The following ADGRL2 variants were observed in gnomAD, a reference collection of about 807,000 sequenced individuals.
The protein encoded by ADGRL2 is adhesion G protein-coupled receptor L2, also known as calcium-independent alpha-latrotoxin receptor 2.
A neutral mutation model predicts 157.4 loss-of-function variants in ADGRL2; 44 were observed. That is an observed-to-expected ratio of 0.28 (90% CI 0.22 to 0.36). ADGRL2 has a LOEUF of 0.36. ADGRL2 is among the 10% of genes least tolerant of loss of function. ADGRL2 has a pLI of 1.00. For missense variants in ADGRL2, 1,510 were observed against 1,768.9 expected (o/e 0.85, Z 2.63); for synonymous variants, 585 against 624.7 (o/e 0.94, Z 0.95).
chr1:81,942,687 G>A (rs1648479097), intron 5 of ADGRL2: 1 of 437,424 alleles, frequency 2.3e-6, no homozygotes, highest in Admixed American at 3.4e-5. Context: ...ATTATAAGAT[G>A]AAAACATAGC....
At chr1:81,748,291 A>G (rs1557617805) in intron 1 of ADGRL2, among the ~76,000 whole-genome samples, 1 of 152,036 alleles carries the variant, frequency 6.6e-6, no homozygotes, top group Non-Finnish European at 1.5e-5. Context: ...ATCCTGGCCA[A>G]CATGGGGAAA....
At chr1:81,566,698 C>G (rs1016228227) in intron 2 of ADGRL2, among the ~76,000 whole-genome samples, 2 of 151,970 alleles carry the variant, frequency 1.3e-5, no homozygotes, top group Non-Finnish European at 2.9e-5. Context: ...ACAGGAAAGC[C>G]TAAGAAAGAG....
At chr1:81,867,033 A>G (rs943425652) in intron 2 of ADGRL2, among the ~76,000 whole-genome samples, 1 of 152,172 alleles carries the variant, frequency 6.6e-6, no homozygotes, top group African/African-American at 2.4e-5. Flanking sequence ...TGTGATTACA[A>G]ATAAACTGTA....
chr1:81,722,361 T>C (rs1212618005), intron 1 of ADGRL2: 18 of 737,588 alleles, frequency 2.4e-5, no homozygotes, highest in East Asian at 2.0e-4. Context: ...GTGGTTGCTA[T>C]TGAAGCCCTA....
chr1:81,972,000 T>A (rs1439255159), intron 17 of ADGRL2, 82 bp downstream of exon 17: 2 of 808,656 alleles, frequency 2.5e-6, no homozygotes, highest in Non-Finnish European at 4.0e-6. Context: ...GTTTTATTGT[T>A]TGTTTATCTA....
intron 3 of ADGRL2, among the ~76,000 whole-genome samples, chr1:81,692,566 C>CA (rs2083364201): frequency 6.6e-6 from 1 of 151,872 alleles, no homozygotes; most frequent in Non-Finnish European, 1.5e-5. Context: ...TAGGCTTGTG[C>CA]AAAAAATGAG....
intron 2 of ADGRL2, among the ~76,000 whole-genome samples, chr1:81,523,044 A>T (rs1472818087): frequency 1.5e-5 from 2 of 132,738 alleles, no homozygotes; most frequent in African/African-American, 7.3e-5. Flanking sequence ...ACACAGAAAA[A>T]AAGTTACCTG....
At chr1:81,341,656 T>C (rs1662083481) in intron 1 of ADGRL2, among the ~76,000 whole-genome samples, 1 of 152,122 alleles carries the variant, frequency 6.6e-6, no homozygotes, top group South Asian at 2.1e-4. Context: ...TTAATGGAAG[T>C]GATACTTAAC....
chr1:81,549,819 A>G (rs1471025321), intron 2 of ADGRL2, among the ~76,000 whole-genome samples: 1 of 152,204 alleles, frequency 6.6e-6, no homozygotes, highest in African/African-American at 2.4e-5. Context: ...GGAAGAAAGG[A>G]TGAGTGAGAG....
intron 1 of ADGRL2, among the ~76,000 whole-genome samples, chr1:81,706,357 GTT>G (rs1349113249): frequency 2.0e-5 from 3 of 152,156 alleles, no homozygotes; most frequent in Admixed American, 6.5e-5. Context: ...TGACTTTAAG[GTT>G]TCAAACCTTG....
At chr1:81,651,452 C>T (rs1310205698) in intron 3 of ADGRL2, among the ~76,000 whole-genome samples, 1 of 152,118 alleles carries the variant, frequency 6.6e-6, no homozygotes, top group East Asian at 1.9e-4. Flanking sequence ...ATGGCACTTG[C>T]TTATAATGGT....
intron 1 of ADGRL2, among the ~76,000 whole-genome samples, chr1:81,743,672 C>G (rs986705274): frequency 6.6e-6 from 1 of 152,014 alleles, no homozygotes; most frequent in African/African-American, 2.4e-5. Context: ...TGACTTATAA[C>G]TCACATTTTA....
At chr1:81,651,237 A>G (rs557053956) in intron 3 of ADGRL2, among the ~76,000 whole-genome samples, 6 of 152,300 alleles carry the variant, frequency 3.9e-5, no homozygotes, top group Middle Eastern at 3.4e-3. Context: ...TCTTCATTTC[A>G]GTTTACATTT....
At chr1:81,397,349 C>G (rs1196217405) in intron 1 of ADGRL2, among the ~76,000 whole-genome samples, 1 of 105,258 alleles carries the variant, frequency 9.5e-6, no homozygotes, top group African/African-American at 3.8e-5. Context: ...GAGATGGAGT[C>G]TTGCTCTGTT....
intron 1 of ADGRL2, among the ~76,000 whole-genome samples, chr1:81,315,413 T>G (rs1022286265): frequency 2.6e-5 from 4 of 152,180 alleles, no homozygotes; most frequent in African/African-American, 9.7e-5. Flanking sequence ...GTTACTTCAG[T>G]TAATACCTCT....
intron 3 of ADGRL2, among the ~76,000 whole-genome samples, chr1:81,921,814 C>A (rs550369506): frequency 3.3e-4 from 50 of 152,114 alleles, no homozygotes; most frequent in Admixed American, 1.6e-3. Context: ...GGTTATGGAA[C>A]CATGCTTGGC....
intron 1 of ADGRL2, among the ~76,000 whole-genome samples, chr1:81,813,735 T>C (rs1038414778): frequency 6.6e-6 from 1 of 151,758 alleles, no homozygotes; most frequent in African/African-American, 2.4e-5. Context: ...AAAAGATATT[T>C]CTTATCGTAG....
chr1:81,464,686 A>G (rs1022512770), intron 2 of ADGRL2, among the ~76,000 whole-genome samples: 5 of 152,172 alleles, frequency 3.3e-5, no homozygotes, highest in African/African-American at 9.7e-5. Context: ...TTACTCCAGA[A>G]CAAGTCTATA....
chr1:81,623,173 A>G (rs1180021316), intron 3 of ADGRL2, among the ~76,000 whole-genome samples: 1 of 152,206 alleles, frequency 6.6e-6, no homozygotes, highest in Non-Finnish European at 1.5e-5. Context: ...AAGAGACTAT[A>G]TAAGGGAGAC....
Sources: gnomAD v4.1 joint callset for allele counts (sites outside exome capture counted in the v4.1 genomes callset) on GRCh38, gnomAD v4.1.1 for gene constraint, MANE v1.5 for transcripts, NCBI Gene and HGNC (gene_info 2026-07-23, HGNC 2026-07-21) for gene names.